Variants in GLI1 observed in about 807,000 individuals in gnomAD.
GLI1 encodes GLI family zinc finger 1.
GLI1 carries 51 observed loss-of-function variants against 87.8 expected under a neutral mutation model. That is an observed-to-expected ratio of 0.58 (90% CI 0.46 to 0.73). GLI1 has a LOEUF of 0.73. Ranked by LOEUF, GLI1 falls within the 30% of genes least tolerant of loss-of-function variation. The probability of loss-of-function intolerance (pLI) is 0.00; values close to 1 mark genes in which losing one functional copy is unlikely to be tolerated. For synonymous variants in GLI1, 528 were observed against 558.2 expected (o/e 0.95, Z 0.76); for missense variants, 1,292 against 1,437.2 (o/e 0.90, Z 1.63).
intron 1 of GLI1, among the ~76,000 whole-genome samples, chr12:57,461,788 G>A (rs998327292): frequency 2.6e-5 from 4 of 152,168 alleles, no homozygotes; most frequent in Non-Finnish European, 5.9e-5. Flanking sequence ...CCGGGAGTAG[G>A]GGGGCGGAGC....
In GLI1 at chr12:57,470,461, G is replaced by T. The variant is rs566991727; in HGVS notation, c.1721G>T (p.Gly574Val). 1 of 1,614,134 alleles carries T rather than the reference G, an allele frequency of 6.2e-7. No homozygotes were observed. Among genetic ancestry groups the T allele is most frequent in the Admixed American group, 1.7e-5 (1 of 60,018 alleles). The stretch of plus-strand genomic sequence containing the variant: ...CCCCCTGGCTCCCCACCAGAGAATG[G>T]AGCATCCTCCCTGCCTGGCCTTATG... Reference protein sequence around the residue: ...PFPPGSPPENGASSLPGLMPA... With the variant: ...PFPPGSPPENVASSLPGLMPA... The change falls in exon 12 of 12, where the codon GGA becomes GTA. Residue 574 changes from glycine (G) to valine (V), a missense_variant. Transcript: ENST00000228682.
In GLI1 at chr12:57,472,185, G is replaced by A. The variant is rs1872071150; in HGVS notation, c.*124G>A. On this transcript the variant is annotated 3_prime_UTR_variant, in exon 12 of 12. Transcript: ENST00000228682. ...CAGGGATGGGAGGTATGGGCTGGGG[G>A]CTATGTATAGTCTGTATACGTTTTG... The A allele has an allele frequency of 3.0e-6, 2 of 656,542 alleles. No homozygotes were observed. The highest frequency in any genetic ancestry group is 8.3e-4 in the Middle Eastern group (2 of 2,396). The allele number at this position is 656,542 out of a possible 1,614,324, so 40.7% of individuals were successfully genotyped here.
At position 57,472,047 on chromosome 12, in the gene GLI1, A is replaced by C; in HGVS notation, c.3307A>C (p.Asn1103His). ...RSLPGETEFL[N>H]SSA The stretch of plus-strand genomic sequence containing the variant: ...CCTACCTGGGGAAACAGAATTCCTC[A>C]ACTCTAGTGCCTAAAGAGTAGGGAA... The change falls in exon 12 of 12, where the codon AAC becomes CAC. Residue 1103 changes from asparagine to histidine, a missense_variant. Around this residue, in one of 3 missense-constraint regions of GLI1, gnomAD observed 897 missense variants for 1,040.7 expected, o/e 0.86. Coordinates refer to ENST00000228682, the MANE Select transcript of GLI1 (RefSeq NM_005269.3). The C allele has an allele frequency of 6.7e-7, 1 of 1,496,934 alleles. No homozygotes were observed. The highest frequency in any genetic ancestry group is 1.4e-5 in the South Asian group (1 of 73,368). The allele number at this position is 1,496,934 out of a possible 1,614,324, so 92.7% of individuals were successfully genotyped here.
Position 57,468,123 on chromosome 12 carries a change from C to G in GLI1, c.1207C>G (p.Leu403Val), listed in dbSNP as rs772813225. The change falls in exon 10 of 12, where the codon CTG becomes GTG. Residue 403 changes from leucine (L) to valine (V), a missense_variant. This residue lies in a region of GLI1 where 897 missense variants were observed against 1,040.7 expected (regional missense o/e 0.86). Coordinates refer to ENST00000228682, the MANE Select transcript of GLI1 (RefSeq NM_005269.3). ...VTKRHRGDGPLPRAPSISTVE... is the reference protein window; with the variant it reads ...VTKRHRGDGPVPRAPSISTVE... ...CAAACGGCACCGTGGGGATGGCCCC[C>G]TGCCTCGGGCACCATCCATTTCTAC... is the stretch of plus-strand genomic sequence containing the variant. The G allele has an allele frequency of 8.1e-6, 13 of 1,614,098 alleles. No individual in the cohort carries two copies. Among genetic ancestry groups the G allele is most frequent in the Non-Finnish European group, 1.0e-5 (12 of 1,180,014 alleles).
At position 57,472,227 on chromosome 12, in the gene GLI1, T is replaced by A. The variant is rs955662457; in HGVS notation, c.*166T>A. The A allele has an allele frequency of 3.3e-6, 2 of 599,164 alleles. No individual in the cohort carries two copies. Among genetic ancestry groups the A allele is most frequent in the African/African-American group, 3.7e-5 (2 of 53,530 alleles). The allele number at this position is 599,164 out of a possible 1,614,324, so 37.1% of individuals were successfully genotyped here. A position where few individuals can be genotyped will look rare whatever the true frequency, so the allele number is the denominator to read the frequency against. On this transcript the variant is annotated 3_prime_UTR_variant, in exon 12 of 12. Transcript: ENST00000228682. ...TACGTTTTGAGGAGAAATTTGATAA[T>A]GACACTGTTTCCTGATAATAAAGGA...
chr12:57,465,886 C>T lies in GLI1; in HGVS notation c.723C>T (p.Gly241=). The change falls in exon 7 of 12, where the codon GGC becomes GGT. Residue 241 remains glycine, a synonymous_variant. Coordinates refer to ENST00000228682, the MANE Select transcript of GLI1 (RefSeq NM_005269.3). ...ATGAAACTGACTGCCGTTGGGATGG[C>T]TGCAGCCAGGAATTTGACTCCCAAG... ...SVYETDCRWD[G]CSQEFDSQEQ... is the part of the protein sequence containing the mutation. The T allele has an allele frequency of 1.2e-6, 2 of 1,614,030 alleles. No individual in the cohort carries two copies. The highest frequency in any genetic ancestry group is 1.7e-6 in the Non-Finnish European group (2 of 1,179,868).
At chr12:57,470,202 T>A in intron 11 of GLI1, 115 bp from the exon 12 acceptor site, 1 of 759,950 alleles carries the variant, frequency 1.3e-6, no homozygotes. Flanking sequence ...AACAGACTGG[T>A]TAGGGATAAC....
At chr12:57,460,515 A>T (rs1231069163) in intron 1 of GLI1, 1 of 152,352 alleles carries the variant, frequency 6.6e-6, no homozygotes, top group Admixed American at 6.6e-5. Flanking sequence ...GGCTGGAGGG[A>T]TGGCTAGCTG....
At chr12:57,467,306 A>G (rs1871555557) in intron 8 of GLI1, 27 bp from the exon 9 acceptor site, 1 of 1,576,296 alleles carries the variant, frequency 6.3e-7, no homozygotes, top group East Asian at 2.3e-5. Context: ...TCTGAGAACT[A>G]TCCTTTGACC....
chr12:57,466,082 G>C (rs1871460842), intron 7 of GLI1, 157 bp downstream of exon 7: 18 of 1,059,930 alleles, frequency 1.7e-5, no homozygotes, highest in Middle Eastern at 4.9e-4. Context: ...CTTTGCCTTA[G>C]GGAGCTGGAA....
Position 57,467,362 on chromosome 12 carries a change from C to A in GLI1, c.942C>A (p.Arg314=), listed in dbSNP as rs1372663036. The A allele has an allele frequency of 1.9e-6, 3 of 1,611,002 alleles. No individual in the cohort carries two copies. Among genetic ancestry groups the A allele is most frequent in the African/African-American group, 1.3e-5 (1 of 74,870 alleles). Residue 314 remains arginine (R), a synonymous_variant, in exon 9 of 12, where the codon CGC becomes CGA. Coordinates refer to ENST00000228682, the MANE Select transcript of GLI1 (RefSeq NM_005269.3). ...TFEGCRKSYS[R]LENLKTHLRS... is the part of the protein sequence containing the mutation. Reference sequence around the variant, plus strand: ...AAGGGTGCCGGAAGTCATACTCACGCCTCGAAAACCTGAAGACGCACCTGC... The same window carrying A: ...AAGGGTGCCGGAAGTCATACTCACGACTCGAAAACCTGAAGACGCACCTGC...
chr12:57,470,679 G>C lies in GLI1; in HGVS notation c.1939G>C (p.Asp647His). 6.2e-7 allele frequency: 1 copy of C among 1,613,054 alleles called. No individual in the cohort carries two copies. Among genetic ancestry groups the C allele is most frequent in the Non-Finnish European group, 8.5e-7 (1 of 1,179,552 alleles). ...RRASDPAQAA[D>H]RPAPARVQRF... The stretch of plus-strand genomic sequence containing the variant: ...GGCCAGTGACCCAGCCCAGGCTGCT[G>C]ACCGTCCTGCTCCAGCTAGAGTCCA... The change falls in exon 12 of 12, where the codon GAC becomes CAC. Residue 647 changes from aspartate (D) to histidine (H), a missense_variant. Coordinates refer to ENST00000228682, the MANE Select transcript of GLI1 (RefSeq NM_005269.3).
rs1351358957 is a variant in GLI1, at chr12:57,471,246, C to G, written c.2506C>G (p.His836Asp). 2 of 1,602,328 alleles carry G rather than the reference C, an allele frequency of 1.2e-6. No homozygotes were observed. The highest frequency in any genetic ancestry group is 2.7e-5 in the African/African-American group (2 of 74,568). The change falls in exon 12 of 12, where the codon CAC (histidine) becomes GAC (aspartate). Residue 836 changes from histidine to aspartate, a missense_variant. Around this residue, in one of 3 missense-constraint regions of GLI1, gnomAD observed 897 missense variants for 1,040.7 expected, o/e 0.86. Coordinates refer to ENST00000228682, the MANE Select transcript of GLI1 (RefSeq NM_005269.3). This position sits in a 1 kb window ranked among gnomAD's most constrained non-coding sequence, Gnocchi z 4.9. ...AGGACTGGCACCCTGCCTCAATGCC[C>G]ACCCCAGTGAGGGGCCCCCACATCC... The part of the protein sequence containing the change: ...STGLAPCLNA[H>D]PSEGPPHPQP...
rs1397157719 is a variant in GLI1, at chr12:57,469,623, C to G, written c.1501C>G (p.Leu501Val). Residue 501 changes from leucine to valine, a missense_variant, in exon 11 of 12, where the codon CTC becomes GTC. This residue lies in a region of GLI1 where 897 missense variants were observed against 1,040.7 expected (regional missense o/e 0.86). Coordinates refer to ENST00000228682, the MANE Select transcript of GLI1 (RefSeq NM_005269.3). ...GLSTLRRLEN[L>V]RLDQLHQLRP... is the part of the protein sequence containing the mutation. ...GTCCACTCTTCGCCGCCTTGAGAAC[C>G]TCAGGCTGGACCAGCTACATCAACT... The G allele has an allele frequency of 1.2e-6, 2 of 1,614,050 alleles. No homozygotes were observed. Among genetic ancestry groups the G allele is most frequent in the Non-Finnish European group, 1.7e-6 (2 of 1,179,948 alleles).
chr12:57,471,518 G>A lies in GLI1; in HGVS notation c.2778G>A (p.Gln926=). 1.2e-6 allele frequency: 2 copies of A among 1,612,490 alleles called. No homozygotes were observed. Among genetic ancestry groups the A allele is most frequent in the Admixed American group, 3.4e-5 (2 of 59,672 alleles). Residue 926 remains glutamine, a synonymous_variant, in exon 12 of 12, where the codon CAG becomes CAA. Transcript: ENST00000228682. This position sits in a 1 kb window ranked among gnomAD's most constrained non-coding sequence, Gnocchi z 4.9. The part of the protein sequence containing the change: ...EDAPAQEPSY[Q]SPKFLGGSQV... The stretch of plus-strand genomic sequence containing the variant: ...CCCCCGCCCAGGAACCTTCCTACCA[G>A]AGTCCCAAGTTTCTGGGGGGTTCCC...
intron 4 of GLI1, 72 bp downstream of exon 4, chr12:57,464,940 A>T: frequency 7.7e-7 from 1 of 1,299,740 alleles, no homozygotes; most frequent in Non-Finnish European, 1.1e-6. Flanking sequence ...AAGCCCTCAA[A>T]CTACCTAACC....
At position 57,470,711 on chromosome 12, in the gene GLI1, C is replaced by A; in HGVS notation, c.1971C>A (p.Phe657Leu). The change falls in exon 12 of 12, where the codon TTC (phenylalanine) becomes TTA (leucine). Residue 657 changes from phenylalanine (F) to leucine (L), a missense_variant. Physicochemically the swap from Phe to Leu is conservative, Grantham distance 22. Transcript: ENST00000228682. ...CTGCTCCAGCTAGAGTCCAGAGGTTCAAGAGCCTGGGCTGTGTCCATACCC... is the reference window on the plus strand; with the variant it reads ...CTGCTCCAGCTAGAGTCCAGAGGTTAAAGAGCCTGGGCTGTGTCCATACCC... Reference protein sequence around the residue: ...DRPAPARVQRFKSLGCVHTPP... With the variant: ...DRPAPARVQRLKSLGCVHTPP... The A allele has an allele frequency of 6.2e-7, 1 of 1,612,326 alleles. No homozygotes were observed. Among genetic ancestry groups the A allele is most frequent in the African/African-American group, 1.3e-5 (1 of 75,062 alleles).
At position 57,466,378 on chromosome 12, in the gene GLI1, C is replaced by T. The variant is rs1053141462; in HGVS notation, c.901C>T (p.His301Tyr). Residue 301 changes from histidine (H) to tyrosine (Y), a missense_variant, in exon 8 of 12, where the codon CAC (histidine) becomes TAC (tyrosine). By Grantham distance (83) the His-to-Tyr change is moderately conservative. Transcript: ENST00000228682. Reference protein sequence around the residue: ...HMRRHTGEKPHKCTFEGCRKS... With the variant: ...HMRRHTGEKPYKCTFEGCRKS... ...GCGCAGACACACTGGCGAGAAGCCA[C>T]ACAAGTGCACGGTGAGGCACCAGTG... 8 of 1,612,448 alleles carry T rather than the reference C, an allele frequency of 5.0e-6. No homozygotes were observed. Among genetic ancestry groups the T allele is most frequent in the South Asian group, 3.3e-5 (3 of 90,890 alleles).
Position 57,471,297 on chromosome 12 carries a change from C to A in GLI1, c.2557C>A (p.Gln853Lys). Residue 853 changes from glutamine to lysine, a missense_variant, in exon 12 of 12, where the codon CAG (glutamine) becomes AAG (lysine). Coordinates refer to ENST00000228682, the MANE Select transcript of GLI1 (RefSeq NM_005269.3). The surrounding 1 kb of genome is among the most constrained non-coding windows in gnomAD (Gnocchi z 4.9). ...ACAGCCTCTCTTTTCCCATTACCCC[C>A]AGCCCTCTCCTCCCCAATATCTCCA... Reference protein sequence around the residue: ...HPQPLFSHYPQPSPPQYLQSG... With the variant: ...HPQPLFSHYPKPSPPQYLQSG... 1 of 1,577,578 alleles carries A rather than the reference C, an allele frequency of 6.3e-7. No homozygotes were observed. The highest frequency in any genetic ancestry group is 1.9e-5 in the Admixed American group (1 of 53,906).
Sources: allele counts gnomAD v4.1 joint callset (sites outside exome capture counted in the v4.1 genomes callset), GRCh38; gene constraint gnomAD v4.1.1; regional missense constraint gnomAD v4.1.1; non-coding constraint Gnocchi (gnomAD v3.1); transcripts MANE v1.5; gene names NCBI Gene and HGNC (gene_info 2026-07-23, HGNC 2026-07-21).